Variants in DYM observed in about 807,000 individuals in gnomAD.
The protein encoded by DYM is dyggve-Melchior-Clausen syndrome protein.
A neutral mutation model predicts 93.1 loss-of-function variants in DYM; 78 were observed. The ratio of observed to expected loss-of-function variants is 0.84; its 90% CI spans 0.70 to 1.01. The LOEUF is 1.01. Among genes scored for constraint, DYM ranks in the 50% least tolerant of loss-of-function variants. DYM has a pLI of 0.00. For synonymous variants in DYM, 321 were observed against 319.7 expected (o/e 1.00, Z -0.04); for missense variants, 789 against 845.0 (o/e 0.93, Z 0.82).
intron 14 of DYM, among the ~76,000 whole-genome samples, chr18:49,199,656 G>A (rs903875927): frequency 2.6e-5 from 4 of 152,202 alleles, no homozygotes; most frequent in African/African-American, 7.2e-5. Context: ...TATTACGACA[G>A]TATCATATGC....
At chr18:49,258,825 G>GAGACAC (rs1260587234) in intron 11 of DYM, among the ~76,000 whole-genome samples, 1 of 125,060 alleles carries the variant, frequency 8.0e-6, no homozygotes, top group Non-Finnish European at 1.7e-5. Context: ...CACACACAGA[G>GAGACAC]ACACACACAC....
intron 9 of DYM, among the ~76,000 whole-genome samples, chr18:49,284,237 C>G (rs2095063629): frequency 6.6e-6 from 1 of 152,180 alleles, no homozygotes; most frequent in African/African-American, 2.4e-5. Flanking sequence ...AGCTGTTATA[C>G]TAAACACTTT....
intron 1 of DYM, among the ~76,000 whole-genome samples, chr18:49,441,279 T>TAC (rs2081552828): frequency 3.4e-4 from 13 of 38,008 alleles, no homozygotes; most frequent in African/African-American, 1.6e-3. Context: ...ATATATATTA[T>TAC]ATAATTATAT....
intron 5 of DYM, among the ~76,000 whole-genome samples, chr18:49,369,834 T>C (rs34052902): frequency 0.091 from 13,886 of 152,192 alleles, 858 homozygotes; most frequent in East Asian, 0.31. Context: ...CTGTCCCTTT[T>C]CTACTCTCCA....
At chr18:49,348,636 C>T (rs1298852635) in intron 6 of DYM, among the ~76,000 whole-genome samples, 1 of 151,428 alleles carries the variant, frequency 6.6e-6, no homozygotes, top group Non-Finnish European at 1.5e-5. Context: ...GGGCCGAGTG[C>T]GGTGGCTCAC....
intron 2 of DYM, among the ~76,000 whole-genome samples, chr18:49,413,708 A>C (rs191316595): frequency 1.3e-5 from 2 of 152,280 alleles, no homozygotes; most frequent in Non-Finnish European, 2.9e-5. Context: ...TGGATTATGA[A>C]CTTTGAAGGC....
intron 2 of DYM, among the ~76,000 whole-genome samples, chr18:49,403,096 A>T (rs146444978): frequency 2.0e-5 from 3 of 152,174 alleles, no homozygotes; most frequent in Non-Finnish European, 4.4e-5. Flanking sequence ...AAGAAAACCC[A>T]TAAGTATTGA....
chr18:49,213,871 A>C (rs1006596917), intron 13 of DYM, among the ~76,000 whole-genome samples: 2 of 152,232 alleles, frequency 1.3e-5, no homozygotes, highest in African/African-American at 4.8e-5. Flanking sequence ...ACTATTTGGC[A>C]TAAAAGAAAT....
chr18:49,453,776 G>A lies in DYM; in HGVS notation c.-54+6622C>T, dbSNP rs189983814. 2.0e-5 allele frequency among the ~76,000 whole-genome samples: 3 copies of A among 152,296 alleles called. No individual in the cohort carries two copies. The East Asian group carries it at 5.8e-4, about 29-fold the overall frequency. ...AGTTTTACTAACACCGAGTTTGCTAGAACTTCTTATTGGGTTTGGTAATAT... is the reference window on the plus strand; with the variant it reads ...AGTTTTACTAACACCGAGTTTGCTAAAACTTCTTATTGGGTTTGGTAATAT... On this transcript the variant is annotated intron_variant, in intron 1 of 17. Transcript: ENST00000675505.
At chr18:49,378,193 G>C (rs2067694406) in intron 5 of DYM, among the ~76,000 whole-genome samples, 1 of 152,136 alleles carries the variant, frequency 6.6e-6, no homozygotes, top group African/African-American at 2.4e-5. Flanking sequence ...TGACTAGTTG[G>C]CTCCCTTAAT....
At chr18:49,268,284 G>C (rs2094605428) in intron 11 of DYM, among the ~76,000 whole-genome samples, 1 of 152,034 alleles carries the variant, frequency 6.6e-6, no homozygotes, top group African/African-American at 2.4e-5. Context: ...TATGGAAAGG[G>C]AAGGGACCAA....
intron 1 of DYM, among the ~76,000 whole-genome samples, chr18:49,430,880 T>A (rs2080262030): frequency 7.1e-5 from 3 of 42,498 alleles, no homozygotes; most frequent in African/African-American, 2.2e-4. Context: ...CAAGACTCCA[T>A]CTCAAAAAAA....
At chr18:49,245,831 C>G (rs914898378) in intron 13 of DYM, among the ~76,000 whole-genome samples, 2 of 152,174 alleles carry the variant, frequency 1.3e-5, no homozygotes, top group African/African-American at 4.8e-5. Flanking sequence ...ATCACAGAAC[C>G]TGCCGATATG....
In DYM at chr18:49,300,074, T is replaced by C. The variant is rs140366953; in HGVS notation, c.764-13458A>G. ...AAAAAAAAAGCTATATATATAAATA[T>C]ATATATATATAAATATATATATAAA... On this transcript the variant is annotated intron_variant, in intron 8 of 17. Transcript: ENST00000675505. Among the ~76,000 whole-genome samples, 527 of 139,356 alleles carry C rather than the reference T, an allele frequency of 3.8e-3. 4 individuals are homozygous for C. The highest frequency in any genetic ancestry group is 0.013 in the African/African-American group (470 of 35,306). 91.4% of individuals were successfully genotyped at this position (139,356 alleles called of 152,430 possible).
At chr18:49,255,769 T>G (rs889478554) in intron 13 of DYM, among the ~76,000 whole-genome samples, 1 of 151,780 alleles carries the variant, frequency 6.6e-6, no homozygotes, top group African/African-American at 2.4e-5. Flanking sequence ...ATTTGAGACC[T>G]ACTTGGACAA....
At chr18:49,434,873 C>T (rs535881510) in intron 1 of DYM, among the ~76,000 whole-genome samples, 1 of 151,724 alleles carries the variant, frequency 6.6e-6, no homozygotes, top group African/African-American at 2.4e-5. Context: ...AAAAGCACAA[C>T]CCATAAAAGA....
chr18:49,048,696 C>A (rs1468405923), intron 17 of DYM, among the ~76,000 whole-genome samples: 1 of 152,228 alleles, frequency 6.6e-6, no homozygotes, highest in Non-Finnish European at 1.5e-5. Context: ...GTAAGTTTTC[C>A]TGCCCTCATG....
intron 1 of DYM, among the ~76,000 whole-genome samples, chr18:49,452,425 A>AT (rs2082600301): frequency 6.6e-6 from 1 of 151,682 alleles, no homozygotes; most frequent in Non-Finnish European, 1.5e-5. Flanking sequence ...CATCCTGCTG[A>AT]TTTGGTCCAT....
intron 13 of DYM, among the ~76,000 whole-genome samples, chr18:49,213,521 G>A (rs1325690849): frequency 6.6e-6 from 1 of 151,988 alleles, no homozygotes; most frequent in Non-Finnish European, 1.5e-5. Context: ...TCCCCATATT[G>A]GTCAAGCTGG....
Sources: allele counts gnomAD v4.1 joint callset (sites outside exome capture counted in the v4.1 genomes callset), GRCh38; gene constraint gnomAD v4.1.1; transcripts MANE v1.5; gene names NCBI Gene and HGNC (gene_info 2026-07-23, HGNC 2026-07-21).